ZZEF1: variants seen among roughly 807,000 people sequenced by gnomAD.
ZZEF1 encodes the protein zinc finger ZZ-type and EF-hand domain containing 1, also known as zinc finger ZZ-type and EF-hand domain-containing protein 1.
Under a neutral mutation model 342.8 loss-of-function variants are expected in ZZEF1, and 157 were observed. The ratio of observed to expected loss-of-function variants is 0.46; its 90% CI spans 0.40 to 0.52. The LOEUF (loss-of-function observed/expected upper bound fraction) is 0.52, where lower values mean the gene tolerates loss of function less well. Ranked by LOEUF, ZZEF1 falls within the 20% of genes least tolerant of loss-of-function variation. The pLI is 0.00. For missense variants in ZZEF1, 3,480 were observed against 3,725.6 expected (o/e 0.93, Z 1.72); for synonymous variants, 1,505 against 1,429.1 (o/e 1.05, Z -1.20).
chr17:4,065,751 TGA>T (rs1366795996), intron 28 of ZZEF1, among the ~76,000 whole-genome samples: 1 of 152,174 alleles, frequency 6.6e-6, no homozygotes, highest in Non-Finnish European at 1.5e-5. Context: ...TAAAAATATA[TGA>T]GTTTTAAAAA....
chr17:4,076,722 G>A lies in ZZEF1; in HGVS notation c.3149C>T (p.Pro1050Leu). 1.2e-6 allele frequency: 2 copies of A among 1,612,796 alleles called. No individual in the cohort carries two copies. Among genetic ancestry groups the A allele is most frequent in the Non-Finnish European group, 1.7e-6 (2 of 1,178,846 alleles). Residue 1050 changes from proline (P) to leucine (L), a missense_variant, in exon 21 of 55, where the codon CCA becomes CTA. Physicochemically the swap from Pro to Leu is moderately conservative, Grantham distance 98. This residue lies in a region of ZZEF1 where 1,528 missense variants were observed against 1,624.1 expected (regional missense o/e 0.94). Transcript: ENST00000381638. ...FLLDFCTLDI[P>L]HCVLLREFSV... is the part of the protein sequence containing the mutation. ...GAACTCTCTCAAGAGCACGCAGTGT[G>A]GGATGTCTAAAGTGCAGAAGTCCAG...
chr17:4,075,074 C>G (rs1567817573), intron 23 of ZZEF1, 23 bp downstream of exon 23: 2 of 1,613,352 alleles, frequency 1.2e-6, no homozygotes, highest in South Asian at 2.2e-5. Flanking sequence ...AAGTAGGTAC[C>G]TCTTTCTGGG....
intron 26 of ZZEF1, among the ~76,000 whole-genome samples, chr17:4,068,233 T>C (rs755276189): frequency 1.3e-5 from 2 of 152,208 alleles, no homozygotes; most frequent in Non-Finnish European, 1.5e-5. Context: ...TTTTAAGCTT[T>C]TCTATACTTA....
At chr17:4,069,746 G>T (rs2057472306) in intron 26 of ZZEF1, among the ~76,000 whole-genome samples, 1 of 152,144 alleles carries the variant, frequency 6.6e-6, no homozygotes, top group Non-Finnish European at 1.5e-5. Flanking sequence ...AAGGAGAATC[G>T]CTTGAACCCG....
At chr17:4,132,987 G>T (rs577949426) in intron 1 of ZZEF1, among the ~76,000 whole-genome samples, 1 of 152,094 alleles carries the variant, frequency 6.6e-6, no homozygotes, top group Non-Finnish European at 1.5e-5. Context: ...TGGAGCAGGT[G>T]GGGGAAGAAG....
intron 4 of ZZEF1, among the ~76,000 whole-genome samples, chr17:4,113,041 T>C (rs1361971471): frequency 6.6e-6 from 1 of 152,220 alleles, no homozygotes; most frequent in Non-Finnish European, 1.5e-5. Flanking sequence ...TTTTAAGCTA[T>C]TTGTACAGAA....
intron 19 of ZZEF1, 35 bp from the exon 20 acceptor site, chr17:4,077,024 T>A (rs897026): frequency 1.3e-5 from 21 of 1,560,446 alleles, no homozygotes; most frequent in Non-Finnish European, 1.8e-5. Flanking sequence ...ATATATTATA[T>A]AGTAGAAATG....
intron 4 of ZZEF1, among the ~76,000 whole-genome samples, chr17:4,113,437 C>A (rs889727983): frequency 6.6e-6 from 1 of 152,078 alleles, no homozygotes; most frequent in African/African-American, 2.4e-5. Flanking sequence ...CGCCTGTAAT[C>A]CCAGCACTTT....
At chr17:4,064,066 G>C (rs190221478) in intron 29 of ZZEF1, among the ~76,000 whole-genome samples, 186 of 151,106 alleles carry the variant, frequency 1.2e-3, no homozygotes, top group South Asian at 4.6e-3. Context: ...TAGATGGAGG[G>C]GGGGGGGTCT....
At chr17:4,110,478 C>T (rs2058277901) in intron 5 of ZZEF1, among the ~76,000 whole-genome samples, 1 of 152,136 alleles carries the variant, frequency 6.6e-6, no homozygotes, top group Non-Finnish European at 1.5e-5. Context: ...AAGACTCTAC[C>T]TCCCTAGGCC....
At chr17:4,012,213 G>A (rs199761554) in intron 52 of ZZEF1, among the ~76,000 whole-genome samples, 3 of 152,286 alleles carry the variant, frequency 2.0e-5, no homozygotes, top group East Asian at 1.9e-4. Flanking sequence ...TGGACTCGAC[G>A]CTCAAGTGAA....
In ZZEF1 at chr17:4,070,934, A is replaced by G. The variant is rs757428348; in HGVS notation, c.3835-10T>C. 1 of 1,607,494 alleles carries G rather than the reference A, an allele frequency of 6.2e-7. No individual in the cohort carries two copies. The highest frequency in any genetic ancestry group is 8.5e-7 in the Non-Finnish European group (1 of 1,177,498). Reference sequence around the variant, plus strand: ...CAGGAATGTTCTTAACCTGGAAACAAAAAATAAACCCATCACATTTAACAC... The same window carrying G: ...CAGGAATGTTCTTAACCTGGAAACAGAAAATAAACCCATCACATTTAACAC... On this transcript the variant is annotated splice_polypyrimidine_tract_variant and intron_variant, in intron 25 of 54. Transcript: ENST00000381638.
chr17:4,099,058 A>G (rs1180709690), intron 9 of ZZEF1, among the ~76,000 whole-genome samples: 1 of 152,236 alleles, frequency 6.6e-6, no homozygotes, highest in East Asian at 1.9e-4. Flanking sequence ...AGAAGCAATA[A>G]TTTAAGTCAA....
chr17:4,121,181 G>A (rs954898801), intron 2 of ZZEF1, among the ~76,000 whole-genome samples: 12 of 152,164 alleles, frequency 7.9e-5, no homozygotes, highest in Non-Finnish European at 1.3e-4. Context: ...AGTACACTAC[G>A]AATTATCTGT....
intron 52 of ZZEF1, among the ~76,000 whole-genome samples, chr17:4,010,324 G>A (rs2055913498): frequency 6.6e-6 from 1 of 150,836 alleles, no homozygotes; most frequent in South Asian, 2.1e-4. Flanking sequence ...ACTGTACTCT[G>A]GCCTGGGCAA....
At chr17:4,031,776 A>T (rs2145049702) in intron 42 of ZZEF1, among the ~76,000 whole-genome samples, 1 of 152,362 alleles carries the variant, frequency 6.6e-6, no homozygotes, top group East Asian at 1.9e-4. Context: ...TTTTAAGTGC[A>T]GCCACCTGAC....
chr17:4,006,273 T>A lies in ZZEF1; in HGVS notation c.*617A>T, dbSNP rs1326462020. 1 of 156,516 alleles carries A rather than the reference T, an allele frequency of 6.4e-6. No homozygotes were observed. Among genetic ancestry groups the A allele is most frequent in the Non-Finnish European group, 1.4e-5 (1 of 70,578 alleles). 9.7% of individuals were successfully genotyped at this position (156,516 alleles called of 1,614,324 possible). A position where few individuals can be genotyped will look rare whatever the true frequency, so the allele number is the denominator to read the frequency against. ...GCATGAGCAGACGTACAGGGGCGCC[T>A]GCCGGCTGTCCCCAAGGGCACTTGT... On this transcript the variant is annotated 3_prime_UTR_variant, in exon 55 of 55. Coordinates refer to ENST00000381638, the MANE Select transcript of ZZEF1 (RefSeq NM_015113.4).
At chr17:4,053,844 G>A (rs2057100897) in intron 34 of ZZEF1, among the ~76,000 whole-genome samples, 2 of 152,346 alleles carry the variant, frequency 1.3e-5, no homozygotes, top group East Asian at 1.9e-4. Flanking sequence ...GCTACACCCA[G>A]CATGATAGAA....
chr17:4,133,351 G>A (rs1194217399), intron 1 of ZZEF1, among the ~76,000 whole-genome samples: 2 of 152,166 alleles, frequency 1.3e-5, no homozygotes, highest in Non-Finnish European at 2.9e-5. Context: ...AGGTCACACA[G>A]CTAGTGTTTG....
Sources: allele counts gnomAD v4.1 joint callset (sites outside exome capture counted in the v4.1 genomes callset), GRCh38; gene constraint gnomAD v4.1.1; regional missense constraint gnomAD v4.1.1; transcripts MANE v1.5; gene names NCBI Gene and HGNC (gene_info 2026-07-23, HGNC 2026-07-21).